The following DLG1 variants were observed in gnomAD, a reference collection of about 807,000 sequenced individuals.
The protein encoded by DLG1 is discs large MAGUK scaffold protein 1, also known as disks large homolog 1.
In DLG1, 42 loss-of-function variants were observed where a neutral mutation model predicts 123.4. That is an observed-to-expected ratio of 0.34 (90% CI 0.27 to 0.44). The LOEUF (loss-of-function observed/expected upper bound fraction) is 0.44, where lower values mean the gene tolerates loss of function less well. Ranked by LOEUF, DLG1 falls within the 20% of genes least tolerant of loss-of-function variation. DLG1 has a pLI of 1.00. For synonymous variants in DLG1, 317 were observed against 356.2 expected (o/e 0.89, Z 1.24); for missense variants, 942 against 1,082.6 (o/e 0.87, Z 1.82).
intron 4 of DLG1, among the ~76,000 whole-genome samples, chr3:197,199,344 A>T (rs867940587): frequency 2.0e-5 from 3 of 152,338 alleles, no homozygotes; most frequent in African/African-American, 4.8e-5. Context: ...GCACCAATAT[A>T]TCACAAGTGA....
In DLG1 at chr3:197,219,770, A is replaced by G. The variant is rs1735987969; in HGVS notation, c.319-25181T>C. 2.6e-5 allele frequency among the ~76,000 whole-genome samples: 4 copies of G among 152,206 alleles called. No individual in the cohort carries two copies. In the South Asian group the frequency reaches 8.3e-4, roughly 31 times the overall value. On this transcript the variant is annotated intron_variant, in intron 4 of 24. Coordinates refer to ENST00000667157, the MANE Select transcript of DLG1 (RefSeq NM_001366207.1). ...CATGCACGGAGGAAAGGCCACGTGAAGAGGCAGTAAGAAGGTGGCCATCTG... is the reference window on the plus strand; with the variant it reads ...CATGCACGGAGGAAAGGCCACGTGAGGAGGCAGTAAGAAGGTGGCCATCTG...
chr3:197,265,697 A>G (rs1056696659), intron 4 of DLG1, among the ~76,000 whole-genome samples: 1 of 152,190 alleles, frequency 6.6e-6, no homozygotes, highest in East Asian at 1.9e-4. Flanking sequence ...ATGAAAACTC[A>G]TAATATACTG....
chr3:197,084,094 G>GT (rs1560544661), intron 16 of DLG1, among the ~76,000 whole-genome samples: 3 of 151,714 alleles, frequency 2.0e-5, no homozygotes, highest in Middle Eastern at 6.8e-3. Context: ...GAAGTGAAGC[G>GT]TATTACCAGA....
rs1177321958 is a variant in DLG1 at position 197,171,168 on chromosome 3, TA to T, written c.484-21373del. 4.6e-5 allele frequency among the ~76,000 whole-genome samples: 7 copies of T among 151,898 alleles called. No individual in the cohort carries two copies. The East Asian group carries it at 1.2e-3, about 25-fold the overall frequency. ...AGCTATTTAAAAGTAAGAGAGAAAC[TA>T]AAAAAAACTGCAAGCCTTTTGAATG... On this transcript the variant is annotated intron_variant, in intron 5 of 24. Coordinates refer to ENST00000667157, the MANE Select transcript of DLG1 (RefSeq NM_001366207.1).
rs936306505 is a variant in DLG1, at chr3:197,164,391, T to C, written c.484-14595A>G. On this transcript the variant is annotated intron_variant, in intron 5 of 24. Transcript: ENST00000667157. ...CAGCCTGGGCAACAGAGTGAGACTC[T>C]GTCTCCCCCTCCTCAAAAAAAAGTC... 5.3e-5 allele frequency among the ~76,000 whole-genome samples: 8 copies of C among 152,094 alleles called. 1 individual carries two copies. The highest frequency in any genetic ancestry group is 1.9e-4 in the African/African-American group (8 of 41,484).
chr3:197,046,279 G>A (rs1406219941), intron 24 of DLG1, among the ~76,000 whole-genome samples: 1 of 152,166 alleles, frequency 6.6e-6, no homozygotes, highest in African/African-American at 2.4e-5. Context: ...ATTTATTTTA[G>A]GAGAAAACAG....
intron 4 of DLG1, among the ~76,000 whole-genome samples, chr3:197,245,371 T>G (rs1223852524): frequency 6.6e-6 from 1 of 152,210 alleles, no homozygotes; most frequent in Non-Finnish European, 1.5e-5. Context: ...CTATCACCAG[T>G]AGATACTTTA....
chr3:197,283,987 A>ACAC (rs1414316030), intron 3 of DLG1, among the ~76,000 whole-genome samples: 2 of 150,968 alleles, frequency 1.3e-5, no homozygotes, highest in Non-Finnish European at 2.9e-5. Flanking sequence ...TCAGCCTCCG[A>ACAC]GTAGCTGGGA....
At chr3:197,078,116 A>G (rs1748471591) in intron 17 of DLG1, among the ~76,000 whole-genome samples, 1 of 147,942 alleles carries the variant, frequency 6.8e-6, no homozygotes, top group Non-Finnish European at 1.5e-5. Context: ...GTTCAAAATC[A>G]GCCTAGGCAA....
Position 197,109,988 on chromosome 3 carries a change from T to C in DLG1, c.1444-4983A>G, listed in dbSNP as rs553846648. Among the ~76,000 whole-genome samples the C allele has an allele frequency of 5.4e-4, 82 of 151,802 alleles. 1 individual carries two copies. Among genetic ancestry groups the C allele is most frequent in the Non-Finnish European group, 5.2e-4 (35 of 67,882 alleles). Reference sequence around the variant, plus strand: ...TATGTTGTAGATCTCTTTAAATTAATTTAACTTGGAGTTCACTGAGGTTCT... The same window carrying C: ...TATGTTGTAGATCTCTTTAAATTAACTTAACTTGGAGTTCACTGAGGTTCT... On this transcript the variant is annotated intron_variant, in intron 13 of 24. Transcript: ENST00000667157.
chr3:197,221,327 G>C (rs1736890730), intron 4 of DLG1, among the ~76,000 whole-genome samples: 1 of 152,098 alleles, frequency 6.6e-6, no homozygotes, highest in Non-Finnish European at 1.5e-5. Context: ...AGACCAGCCT[G>C]GCCAACTTGA....
intron 15 of DLG1, among the ~76,000 whole-genome samples, chr3:197,089,524 C>CT (rs1050318655): frequency 1.1e-4 from 15 of 138,206 alleles, no homozygotes; most frequent in Non-Finnish European, 1.7e-4. Context: ...GAGACCCTGT[C>CT]TTTAAAAAAA....
intron 4 of DLG1, among the ~76,000 whole-genome samples, chr3:197,255,929 T>C (rs1264073675): frequency 6.6e-6 from 1 of 152,226 alleles, no homozygotes; most frequent in East Asian, 1.9e-4. Flanking sequence ...ATTTGTGCAG[T>C]TCACACAGAA....
At chr3:197,275,067 T>C (rs1171454136) in intron 4 of DLG1, among the ~76,000 whole-genome samples, 3 of 151,648 alleles carry the variant, frequency 2.0e-5, no homozygotes, top group African/African-American at 7.3e-5. Context: ...ACACTTGTAG[T>C]CCCAGCTACT....
At chr3:197,059,820 G>T in intron 23 of DLG1, 69 bp downstream of exon 23, 1 of 953,300 alleles carries the variant, frequency 1.0e-6, no homozygotes, top group Non-Finnish European at 1.6e-6. Context: ...GATGCAGGGA[G>T]AGTAAATAAA....
intron 5 of DLG1, among the ~76,000 whole-genome samples, chr3:197,188,027 C>A (rs1398672896): frequency 6.6e-6 from 1 of 152,102 alleles, no homozygotes; most frequent in Admixed American, 6.6e-5. Flanking sequence ...AGAGCCACCA[C>A]CATCCACTAC....
chr3:197,208,100 C>A, intron 4 of DLG1, among the ~76,000 whole-genome samples: 1 of 114,514 alleles, frequency 8.7e-6, no homozygotes. Flanking sequence ...CAAGAACAAG[C>A]AAACAATTTA....
intron 4 of DLG1, among the ~76,000 whole-genome samples, chr3:197,199,843 C>A (rs548710124): frequency 9.9e-5 from 15 of 152,172 alleles, no homozygotes; most frequent in African/African-American, 3.4e-4. Flanking sequence ...TCTAACTTAC[C>A]TAACACTTAT....
At chr3:197,208,862 A>C (rs900010088) in intron 4 of DLG1, among the ~76,000 whole-genome samples, 1 of 145,996 alleles carries the variant, frequency 6.8e-6, no homozygotes, top group African/African-American at 2.4e-5. Context: ...CAGCTTTTAA[A>C]TTTCAAGCCA....
Sources: gnomAD v4.1 joint callset for allele counts (sites outside exome capture counted in the v4.1 genomes callset) on GRCh38, gnomAD v4.1.1 for gene constraint, MANE v1.5 for transcripts, NCBI Gene and HGNC (gene_info 2026-07-23, HGNC 2026-07-21) for gene names.